Variants in KCNMB2 observed in about 807,000 individuals in gnomAD.
KCNMB2 encodes calcium-activated potassium channel subunit beta-2.
In KCNMB2, 9 loss-of-function variants were observed where a neutral mutation model predicts 24.5. That is an observed-to-expected ratio of 0.37 (90% confidence interval 0.22 to 0.64). KCNMB2 has a LOEUF of 0.64. KCNMB2 is among the 30% of genes least tolerant of loss of function. KCNMB2 has a pLI of 0.63. For missense variants in KCNMB2, 226 were observed against 284.3 expected (o/e 0.79, Z 1.47); for synonymous variants, 109 against 104.4 (o/e 1.04, Z -0.27).
rs1381244904 is a variant in KCNMB2 at position 178,796,951 on chromosome 3, CA to C, written c.-67-10387del. Among the ~76,000 whole-genome samples, 19 of 151,684 alleles carry C rather than the reference CA, an allele frequency of 1.3e-4. No individual in the cohort carries two copies. In the East Asian group the frequency reaches 3.3e-3, roughly 26 times the overall value. On this transcript the variant is annotated intron_variant, in intron 1 of 4. Coordinates refer to ENST00000452583, the MANE Select transcript of KCNMB2 (RefSeq NM_181361.3). The stretch of plus-strand genomic sequence containing the variant: ...AAAACAATACAAAAGATCAATGAAA[CA>C]AAAAGTTGGTTTTTTGAAAAGATAA...
At chr3:178,677,092 T>C (rs1721095545) in intron 1 of KCNMB2, among the ~76,000 whole-genome samples, 1 of 152,102 alleles carries the variant, frequency 6.6e-6, no homozygotes, top group Non-Finnish European at 1.5e-5. Context: ...TGAAGCAAAG[T>C]CTTCTTCAGC....
intron 1 of KCNMB2, among the ~76,000 whole-genome samples, chr3:178,565,628 C>G (rs1437602149): frequency 1.3e-5 from 2 of 152,146 alleles, no homozygotes; most frequent in African/African-American, 4.8e-5. Context: ...TAGAGCAGGT[C>G]TAACTATTCG....
At chr3:178,554,605 C>T (rs1360424198) in intron 1 of KCNMB2, among the ~76,000 whole-genome samples, 1 of 152,008 alleles carries the variant, frequency 6.6e-6, no homozygotes, top group African/African-American at 2.4e-5. Context: ...TTCTTTTTAA[C>T]AATCAATTCT....
chr3:178,690,231 T>C (rs558052616), intron 1 of KCNMB2, among the ~76,000 whole-genome samples: 57 of 152,294 alleles, frequency 3.7e-4, no homozygotes, highest in Middle Eastern at 6.8e-3. Flanking sequence ...ATTTGACTTT[T>C]AGTGTGATGC....
At chr3:178,661,769 T>A (rs1483293727) in intron 1 of KCNMB2, among the ~76,000 whole-genome samples, 1 of 152,174 alleles carries the variant, frequency 6.6e-6, no homozygotes, top group Non-Finnish European at 1.5e-5. Context: ...ATCAGACTTT[T>A]AACAAGATTC....
intron 1 of KCNMB2, among the ~76,000 whole-genome samples, chr3:178,741,460 A>T (rs115865498): frequency 0.016 from 2,443 of 152,044 alleles, 42 homozygotes; most frequent in Middle Eastern, 0.051. Flanking sequence ...AAGATCTCTT[A>T]CCTCCATCAC....
chr3:178,642,268 T>C (rs1438310530), intron 1 of KCNMB2, among the ~76,000 whole-genome samples: 2 of 152,182 alleles, frequency 1.3e-5, no homozygotes, highest in Admixed American at 1.3e-4. Context: ...GATTTCTCCT[T>C]TTCTAAAAAG....
At chr3:178,666,951 A>T (rs1352421958) in intron 1 of KCNMB2, among the ~76,000 whole-genome samples, 1 of 152,176 alleles carries the variant, frequency 6.6e-6, no homozygotes, top group East Asian at 1.9e-4. Context: ...TTTGCACATA[A>T]CCTACACAAG....
At chr3:178,596,000 G>A (rs1717856475) in intron 1 of KCNMB2, among the ~76,000 whole-genome samples, 1 of 152,024 alleles carries the variant, frequency 6.6e-6, no homozygotes, top group South Asian at 2.1e-4. Flanking sequence ...GCACTGAAGG[G>A]GAGGAGAATG....
chr3:178,783,166 C>A (rs1214274601), intron 1 of KCNMB2, among the ~76,000 whole-genome samples: 24 of 152,200 alleles, frequency 1.6e-4, no homozygotes, highest in Admixed American at 7.9e-4. Flanking sequence ...TGTTTTGGTA[C>A]CAGTACCATG....
In KCNMB2 at chr3:178,769,650, A is replaced by C. The variant is rs141297415; in HGVS notation, c.-67-37693A>C. ...TGATTCTCCCCAAATTAATTCAAAA[A>C]TTCAGAGAAATTCCAATCAAGATCC... On this transcript the variant is annotated intron_variant, in intron 1 of 4. Coordinates refer to ENST00000452583, the MANE Select transcript of KCNMB2 (RefSeq NM_181361.3). 2.5e-3 allele frequency among the ~76,000 whole-genome samples: 387 copies of C among 152,362 alleles called. 3 individuals carry two copies. Among genetic ancestry groups the C allele is most frequent in the African/African-American group, 8.8e-3 (368 of 41,590 alleles).
chr3:178,600,632 G>T (rs183279214), intron 1 of KCNMB2, among the ~76,000 whole-genome samples: 138 of 152,242 alleles, frequency 9.1e-4, no homozygotes, highest in African/African-American at 3.1e-3. Context: ...AGACAGGAAA[G>T]GGAGGATGGG....
chr3:178,626,105 G>A (rs1343684300), intron 1 of KCNMB2, among the ~76,000 whole-genome samples: 3 of 152,186 alleles, frequency 2.0e-5, no homozygotes, highest in Admixed American at 2.0e-4. Flanking sequence ...TGAGGAAAAT[G>A]GAAAATGATG....
chr3:178,551,521 T>A (rs1715953037), intron 1 of KCNMB2, among the ~76,000 whole-genome samples: 1 of 152,210 alleles, frequency 6.6e-6, no homozygotes, highest in Non-Finnish European at 1.5e-5. Flanking sequence ...ATGTGCATTT[T>A]CAGAGAGGAT....
chr3:178,725,058 T>C (rs1722925192), intron 1 of KCNMB2, among the ~76,000 whole-genome samples: 1 of 152,158 alleles, frequency 6.6e-6, no homozygotes, highest in African/African-American at 2.4e-5. Flanking sequence ...AAAAATGACA[T>C]TGGTAATTTG....
chr3:178,688,176 A>C (rs1019492475), intron 1 of KCNMB2, among the ~76,000 whole-genome samples: 1 of 152,182 alleles, frequency 6.6e-6, no homozygotes, highest in African/African-American at 2.4e-5. Flanking sequence ...GAAACTAATG[A>C]GATTCTGAGT....
chr3:178,745,788 T>A (rs1177364816), intron 1 of KCNMB2, among the ~76,000 whole-genome samples: 1 of 152,176 alleles, frequency 6.6e-6, no homozygotes, highest in East Asian at 1.9e-4. Context: ...AAGTCTGAAA[T>A]CCAGCAGGGC....
chr3:178,649,328 A>G (rs1348888516), intron 1 of KCNMB2, among the ~76,000 whole-genome samples: 1 of 152,030 alleles, frequency 6.6e-6, no homozygotes, highest in Non-Finnish European at 1.5e-5. Flanking sequence ...TTCTTTTCAT[A>G]TTTTTACTAT....
chr3:178,695,271 G>A (rs9865437), intron 1 of KCNMB2, among the ~76,000 whole-genome samples: 58,294 of 152,118 alleles, frequency 0.38, 11,210 homozygotes, highest in Middle Eastern at 0.51. Flanking sequence ...ACTCAGCTCA[G>A]GAAACCTTTT....
Sources: allele counts gnomAD v4.1 joint callset (sites outside exome capture counted in the v4.1 genomes callset), GRCh38; gene constraint gnomAD v4.1.1; transcripts MANE v1.5; gene names NCBI Gene and HGNC (gene_info 2026-07-23, HGNC 2026-07-21).